The following FRMD6 variants were observed in gnomAD, a reference collection of about 807,000 sequenced individuals.
FRMD6 encodes the protein FERM domain-containing protein 6.
FRMD6 carries 37 observed loss-of-function variants against 73.2 expected under a neutral mutation model. That is an observed-to-expected ratio of 0.51 (90% confidence interval 0.39 to 0.66). The LOEUF (loss-of-function observed/expected upper bound fraction) is 0.66, where lower values mean the gene tolerates loss of function less well. Ranked by LOEUF, FRMD6 falls within the 30% of genes least tolerant of loss-of-function variation. The pLI is 0.00. For missense variants in FRMD6, 714 were observed against 780.5 expected, an observed-to-expected ratio of 0.91 and a Z score of 1.02; for synonymous variants, 273 against 282.2, an observed-to-expected ratio of 0.97 and a Z score of 0.33.
At chr14:51,605,865 A>G (rs561155471) in intron 2 of FRMD6, among the ~76,000 whole-genome samples, 1 of 152,250 alleles carries the variant, frequency 6.6e-6, no homozygotes, top group East Asian at 1.9e-4. Flanking sequence ...GAAGAGCTGT[A>G]CCCCCGAGTC....
the FRMD6 span, among the ~76,000 whole-genome samples, chr14:51,471,405 G>T: frequency 1.3e-5 from 2 of 151,916 alleles, no homozygotes; most frequent in African/African-American, 4.8e-5. Flanking sequence ...GGAGGCTGAG[G>T]CAGGAGAATG....
Position 51,502,356 on chromosome 14 carries a change from A to G in FRMD6, c.-210+12936A>G, listed in dbSNP as rs1883673389. 2.0e-5 allele frequency among the ~76,000 whole-genome samples: 3 copies of G among 152,112 alleles called. No individual in the cohort carries two copies. In the South Asian group the frequency reaches 6.2e-4, roughly 31 times the overall value. On this transcript the variant is annotated intron_variant, in intron 1 of 14. Coordinates refer to the FRMD6 transcript ENST00000356218. ...GGTTTTACATTTAAGTCTTTATTCC[A>G]TCTTGAGTTAGTTTTTGTATATGGT...
chr14:51,722,195 G>A (rs1897667143), intron 12 of FRMD6, 115 bp downstream of exon 12: 6 of 1,016,732 alleles, frequency 5.9e-6, no homozygotes, highest in African/African-American at 1.6e-5. Flanking sequence ...AGACTGGACT[G>A]CACTAAGAGT....
chr14:51,570,198 T>G (rs1888057270), intron 1 of FRMD6: 2 of 152,236 alleles, frequency 1.3e-5, no homozygotes, highest in Non-Finnish European at 2.9e-5. Flanking sequence ...TCTGCAAATT[T>G]GTTCAAGTTG....
At chr14:51,456,412 T>C in the FRMD6 span, among the ~76,000 whole-genome samples, 577 of 152,296 alleles carry the variant, frequency 3.8e-3, 3 homozygotes, top group African/African-American at 0.013. Flanking sequence ...TTTGGTTTTC[T>C]GTTCTTGTGT....
intron 1 of FRMD6, chr14:51,546,568 G>C (rs992994559): frequency 1.3e-5 from 1 of 75,298 alleles, no homozygotes; most frequent in Non-Finnish European, 2.5e-5. Context: ...AAGGTAATTT[G>C]TTCCCCCTCC....
chr14:51,614,297 A>T (rs1275453288), intron 2 of FRMD6, among the ~76,000 whole-genome samples: 1 of 152,188 alleles, frequency 6.6e-6, no homozygotes, highest in East Asian at 1.9e-4. Flanking sequence ...TATTCTAGTC[A>T]CATGGAATAC....
the FRMD6 span, among the ~76,000 whole-genome samples, chr14:51,467,121 G>A: frequency 5.3e-5 from 8 of 152,270 alleles, no homozygotes; most frequent in South Asian, 1.5e-3. Flanking sequence ...GCCGCCTTCC[G>A]CAGTGTTTGT....
At chr14:51,524,772 T>G (rs1885142119) in intron 1 of FRMD6, among the ~76,000 whole-genome samples, 1 of 152,132 alleles carries the variant, frequency 6.6e-6, no homozygotes, top group African/African-American at 2.4e-5. Context: ...GGCGTTCTCC[T>G]TATTTGAACA....
chr14:51,691,819 T>C (rs1459552692), intron 2 of FRMD6, among the ~76,000 whole-genome samples: 1 of 152,016 alleles, frequency 6.6e-6, no homozygotes, highest in Non-Finnish European at 1.5e-5. Flanking sequence ...GGTCTCAAAC[T>C]CCTGACCTCA....
intron 2 of FRMD6, among the ~76,000 whole-genome samples, chr14:51,577,763 C>T (rs1437157484): frequency 6.6e-6 from 1 of 152,114 alleles, no homozygotes; most frequent in Admixed American, 6.5e-5. Flanking sequence ...GGGCCAGCCA[C>T]CTAGTTCAAA....
At chr14:51,585,929 G>GTA in intron 2 of FRMD6, among the ~76,000 whole-genome samples, 2 of 14,846 alleles carry the variant, frequency 1.3e-4, no homozygotes, top group African/African-American at 3.3e-4. Flanking sequence ...TGGCATGTGT[G>GTA]TGTGTGTGTG....
intron 1 of FRMD6, among the ~76,000 whole-genome samples, chr14:51,503,184 T>C (rs1055261507): frequency 3.9e-5 from 6 of 152,220 alleles, no homozygotes; most frequent in Non-Finnish European, 7.3e-5. Flanking sequence ...TGAATACTCT[T>C]TGTTTCCTTT....
intron 1 of FRMD6, among the ~76,000 whole-genome samples, chr14:51,671,586 C>G (rs893563520): frequency 8.5e-5 from 13 of 152,052 alleles, no homozygotes; most frequent in Non-Finnish European, 4.4e-5. Flanking sequence ...GAAAAGAACC[C>G]CTCTCAAAGC....
chr14:51,616,228 G>A (rs1209486935), intron 2 of FRMD6, among the ~76,000 whole-genome samples: 1 of 152,158 alleles, frequency 6.6e-6, no homozygotes, highest in East Asian at 1.9e-4. Context: ...TTAAAGCAAT[G>A]GCTCTAATCC....
the FRMD6 span, among the ~76,000 whole-genome samples, chr14:51,399,295 G>A: frequency 6.6e-6 from 1 of 152,088 alleles, no homozygotes; most frequent in Non-Finnish European, 1.5e-5. Context: ...TGCATTAAGG[G>A]ACTATTTGTA....
At chr14:51,468,238 G>A in the FRMD6 span, among the ~76,000 whole-genome samples, 1 of 146,694 alleles carries the variant, frequency 6.8e-6, no homozygotes, top group Admixed American at 6.8e-5. Flanking sequence ...GGAGATGGTG[G>A]CAGTACAGTC....
At chr14:51,648,863 A>G (rs538315208), upstream of FRMD6, among the ~76,000 whole-genome samples, 3 of 152,378 alleles carry the variant, frequency 2.0e-5, no homozygotes, top group South Asian at 6.2e-4. Flanking sequence ...GAGTTGTGTT[A>G]ATATTTAAAT....
At chr14:51,406,054 C>A in the FRMD6 span, among the ~76,000 whole-genome samples, 1 of 152,068 alleles carries the variant, frequency 6.6e-6, no homozygotes, top group Non-Finnish European at 1.5e-5. Context: ...CTGCATATGG[C>A]TAGTGAGTTA....
Sources: gnomAD v4.1 joint callset for allele counts (sites outside exome capture counted in the v4.1 genomes callset) on GRCh38, gnomAD v4.1.1 for gene constraint, MANE v1.5 for transcripts, NCBI Gene and HGNC (gene_info 2026-07-23, HGNC 2026-07-21) for gene names.